Variants in ZFAT observed in about 807,000 individuals in gnomAD.
ZFAT encodes zinc finger and AT-hook domain containing.
ZFAT carries 64 observed loss-of-function variants against 117.7 expected under a neutral mutation model. The ratio of observed to expected loss-of-function variants is 0.54; its 90% confidence interval spans 0.44 to 0.67. ZFAT has a LOEUF of 0.67. Ranked by LOEUF, ZFAT falls within the 30% of genes least tolerant of loss-of-function variation. The pLI, the probability that ZFAT is intolerant of heterozygous loss-of-function variation, is 0.00. For missense variants in ZFAT, 1,433 were observed against 1,584.5 expected (o/e 0.90, Z 1.62); for synonymous variants, 679 against 615.0 (o/e 1.10, Z -1.54).
At chr8:134,613,945 T>C (rs550172798) in intron 3 of ZFAT, among the ~76,000 whole-genome samples, 1 of 152,324 alleles carries the variant, frequency 6.6e-6, no homozygotes, top group East Asian at 1.9e-4. Context: ...AACCAGCCCT[T>C]GAACCATTGT....
upstream of ZFAT, among the ~76,000 whole-genome samples, chr8:134,715,960 A>G (rs1005119640): frequency 6.6e-6 from 1 of 152,008 alleles, no homozygotes; most frequent in African/African-American, 2.4e-5. Flanking sequence ...CATACAGGCG[A>G]CCTCAAAATA....
chr8:134,728,767 C>G, the ZFAT span, among the ~76,000 whole-genome samples: 12 of 152,266 alleles, frequency 7.9e-5, no homozygotes, highest in Non-Finnish European at 1.3e-4. Flanking sequence ...ATTGCAGAGT[C>G]TATATTAAAA....
At chr8:134,690,411 G>A (rs1308017463) in intron 1 of ZFAT, among the ~76,000 whole-genome samples, 1 of 152,186 alleles carries the variant, frequency 6.6e-6, no homozygotes, top group Non-Finnish European at 1.5e-5. Flanking sequence ...GGGATCCTGA[G>A]GTCTTGATCA....
intron 15 of ZFAT, among the ~76,000 whole-genome samples, chr8:134,493,926 T>A (rs767218365): frequency 1.1e-4 from 17 of 152,216 alleles, no homozygotes; most frequent in Non-Finnish European, 2.1e-4. Flanking sequence ...CTAAAACAGT[T>A]CAGAGCAGAT....
chr8:134,713,510 G>A (rs1814118588), upstream of ZFAT, among the ~76,000 whole-genome samples: 2 of 152,166 alleles, frequency 1.3e-5, no homozygotes, highest in African/African-American at 4.8e-5. Context: ...CTTTCCTTTG[G>A]GCCACCCGGC....
intron 2 of ZFAT, among the ~76,000 whole-genome samples, chr8:134,647,070 C>T (rs1830937713): frequency 1.3e-5 from 2 of 151,978 alleles, no homozygotes; most frequent in African/African-American, 2.4e-5. Context: ...TAGACAGACA[C>T]TACAAAAAAA....
intron 3 of ZFAT, among the ~76,000 whole-genome samples, chr8:134,619,683 G>A (rs1476682563): frequency 5.3e-5 from 8 of 152,148 alleles, no homozygotes; most frequent in Non-Finnish European, 1.2e-4. Context: ...TCACACAGTG[G>A]GAAAGTCATC....
the ZFAT span, among the ~76,000 whole-genome samples, chr8:134,777,190 T>C: frequency 5.3e-5 from 8 of 152,222 alleles, no homozygotes; most frequent in Non-Finnish European, 1.0e-4. Context: ...AAATTGCTAC[T>C]GAAATGAAAA....
At chr8:134,561,523 T>C (rs980584287) in intron 11 of ZFAT, among the ~76,000 whole-genome samples, 2 of 152,224 alleles carry the variant, frequency 1.3e-5, no homozygotes, top group African/African-American at 4.8e-5. Flanking sequence ...ACAAGTACTT[T>C]CCAAATCTTA....
chr8:134,550,641 T>C (rs4609154), intron 11 of ZFAT, among the ~76,000 whole-genome samples: 41,985 of 152,150 alleles, frequency 0.28, 5,852 homozygotes, highest in Admixed American at 0.35. Context: ...AGAGAATATA[T>C]TGCACACTCT....
At chr8:134,619,709 T>C (rs1828982167) in intron 3 of ZFAT, among the ~76,000 whole-genome samples, 1 of 152,136 alleles carries the variant, frequency 6.6e-6, no homozygotes, top group South Asian at 2.1e-4. Flanking sequence ...ATTAAACAAA[T>C]AGCAAGGGAA....
chr8:134,690,621 C>T (rs533479374), intron 1 of ZFAT, among the ~76,000 whole-genome samples: 6 of 152,274 alleles, frequency 3.9e-5, no homozygotes, highest in African/African-American at 1.4e-4. Flanking sequence ...AGGGTCTTTC[C>T]AAATTCCAGA....
At chr8:134,752,564 A>C in the ZFAT span, among the ~76,000 whole-genome samples, 1 of 152,252 alleles carries the variant, frequency 6.6e-6, no homozygotes, top group Non-Finnish European at 1.5e-5. Context: ...AGACTGATGG[A>C]TCCTGAGTGT....
At chr8:134,658,095 T>C (rs976114300) in intron 1 of ZFAT, among the ~76,000 whole-genome samples, 4 of 152,172 alleles carry the variant, frequency 2.6e-5, no homozygotes, top group Non-Finnish European at 5.9e-5. Context: ...CCCAGCACTT[T>C]GGGAGGCCGA....
chr8:134,734,388 C>T, the ZFAT span, among the ~76,000 whole-genome samples: 1 of 152,256 alleles, frequency 6.6e-6, no homozygotes, highest in African/African-American at 2.4e-5. Context: ...TGTTGGGGCT[C>T]CCCAGAGTGT....
At chr8:134,824,749 A>C in the ZFAT span, among the ~76,000 whole-genome samples, 1 of 152,360 alleles carries the variant, frequency 6.6e-6, no homozygotes, top group African/African-American at 2.4e-5. Flanking sequence ...AAAATTAATG[A>C]CAAAAAATTA....
Position 134,529,602 on chromosome 8 carries a change from T to C in ZFAT, c.3115+3232A>G, listed in dbSNP as rs115932264. 8.2e-3 allele frequency among the ~76,000 whole-genome samples: 1,249 copies of C among 152,244 alleles called. 20 individuals are homozygous for C. The highest frequency in any genetic ancestry group is 0.029 in the African/African-American group (1,190 of 41,528). ...TACAAAGTATCAGAGTACTGAGGGA[T>C]CAGTACATCCAGACAGGCCCTGGTG... On this transcript the variant is annotated intron_variant, in intron 12 of 15. Coordinates refer to ENST00000377838, the MANE Select transcript of ZFAT (RefSeq NM_020863.4).
At chr8:134,645,507 A>G (rs1236512690) in intron 2 of ZFAT, among the ~76,000 whole-genome samples, 2 of 152,232 alleles carry the variant, frequency 1.3e-5, no homozygotes. Context: ...AAAAAAGAAA[A>G]CATACGGAAG....
At chr8:134,722,153 G>GA in the ZFAT span, among the ~76,000 whole-genome samples, 275 of 152,236 alleles carry the variant, frequency 1.8e-3, 1 homozygote, top group African/African-American at 6.2e-3. Flanking sequence ...ACTCACGGGA[G>GA]AAAAAAAGCT....
Sources: allele counts gnomAD v4.1 joint callset (sites outside exome capture counted in the v4.1 genomes callset), GRCh38; gene constraint gnomAD v4.1.1; transcripts MANE v1.5; gene names NCBI Gene and HGNC (gene_info 2026-07-23, HGNC 2026-07-21).